Variants in TELO2 observed in about 807,000 individuals in gnomAD.
TELO2 encodes the protein telomere maintenance 2.
In TELO2, 71 loss-of-function variants were observed where a neutral mutation model predicts 91.0. That is an observed-to-expected ratio of 0.78 (90% CI 0.64 to 0.95). The LOEUF (loss-of-function observed/expected upper bound fraction) is 0.95. TELO2 is among the 40% of genes least tolerant of loss of function. The pLI is 0.00. For synonymous variants in TELO2, 584 were observed against 518.9 expected (o/e 1.13, Z -1.71); for missense variants, 1,183 against 1,141.3 (o/e 1.04, Z -0.53).
Position 1,500,168 on chromosome 16 carries a change from C to T in TELO2, c.1002+4C>T, listed in dbSNP as rs111969406. 8 of 1,601,268 alleles carry T rather than the reference C, an allele frequency of 5.0e-6. No homozygotes were observed. Among genetic ancestry groups the T allele is most frequent in the East Asian group, 2.2e-5 (1 of 44,616 alleles). Reference sequence around the variant, plus strand: ...GCGGCGCCCGCTCCTGCTGCAGGTACGTGCCTCCTGGCTCTCCGTCCCTGC... The same window carrying T: ...GCGGCGCCCGCTCCTGCTGCAGGTATGTGCCTCCTGGCTCTCCGTCCCTGC... On this transcript the variant is annotated splice_donor_region_variant and intron_variant, in intron 7 of 20. Coordinates refer to ENST00000262319, the MANE Select transcript of TELO2 (RefSeq NM_016111.4).
chr16:1,500,482 C>T lies in TELO2; in HGVS notation c.1138C>T (p.Arg380Trp), dbSNP rs762968076. ...CGGGGAGCCGGAACTGCGGGACAGC[C>T]GGGATGGTGAGCGGGTGGTTTGGGC... ...QLGEPELRDS[R>W]DELLASMMAG... Residue 380 changes from arginine to tryptophan, a missense_variant, in exon 8 of 21, where the codon CGG becomes TGG. By Grantham distance (101) the Arg-to-Trp change is moderately radical. Transcript: ENST00000262319. The T allele has an allele frequency of 4.3e-6, 7 of 1,610,612 alleles. No homozygotes were observed. Among genetic ancestry groups the T allele is most frequent in the South Asian group, 2.2e-5 (2 of 90,752 alleles).
At chr16:1,502,813 T>G (rs773087708) in intron 14 of TELO2, 52 bp downstream of exon 14, 1 of 1,603,720 alleles carries the variant, frequency 6.2e-7, no homozygotes, top group Non-Finnish European at 8.5e-7. Context: ...CGGGAAGCAC[T>G]GGGAGCTGCG....
rs752862580 is a variant in TELO2 at position 1,494,784 on chromosome 16, C to T, written c.335+168C>T. Among the ~76,000 whole-genome samples the T allele has an allele frequency of 6.6e-6, 1 of 152,170 alleles. No homozygotes were observed. The highest frequency in any genetic ancestry group is 2.4e-5 in the African/African-American group (1 of 41,430). ...AAGCGGTCTGTGTCTGTCTCCTTTG[C>T]GACGGGAGGCACCTGCTGTGTCTCA... On this transcript the variant is annotated intron_variant, in intron 2 of 20. Coordinates refer to ENST00000262319, the MANE Select transcript of TELO2 (RefSeq NM_016111.4). This position sits in a 1 kb window ranked among gnomAD's most constrained non-coding sequence, Gnocchi z 5.6.
Position 1,505,466 on chromosome 16 carries a change from C to T in TELO2, c.1899C>T (p.Pro633=), listed in dbSNP as rs1293180797. The change falls in exon 16 of 21, where the codon CCC becomes CCT. Residue 633 remains proline (P), a synonymous_variant. Transcript: ENST00000262319. The surrounding 1 kb of genome is among the most constrained non-coding windows in gnomAD (Gnocchi z 4.3). ...GGCCTGGGTGCCTCGGGAGGACTCC[C>T]CAACCTGGCTCCCCAAGTCCCAACA... The part of the protein sequence containing the change: ...LSRPGCLGRT[P]QPGSPSPNTP... The T allele has an allele frequency of 1.9e-6, 3 of 1,613,158 alleles. No homozygotes were observed. The highest frequency in any genetic ancestry group is 4.5e-5 in the East Asian group (2 of 44,878).
intron 18 of TELO2, 28 bp from the exon 19 acceptor site, chr16:1,507,278 C>T: frequency 1.2e-6 from 2 of 1,604,582 alleles, no homozygotes; most frequent in Non-Finnish European, 8.5e-7. Flanking sequence ...GTCGGGACCC[C>T]ACTGACTGTC....
rs1354333763 is a variant in TELO2, at chr16:1,500,681, G to T, written c.1263G>T (p.Gly421=). 1.2e-6 allele frequency: 2 copies of T among 1,612,328 alleles called. No individual in the cohort carries two copies. The highest frequency in any genetic ancestry group is 2.7e-5 in the African/African-American group (2 of 74,920). Residue 421 remains glycine, a synonymous_variant, in exon 9 of 21, where the codon GGG becomes GGT. Transcript: ENST00000262319. ...EVVSARIHPE[G]PPLKFQYEED... is the part of the protein sequence containing the mutation. ...TTAGTGCCCGGATCCACCCCGAGGG[G>T]CCTCCCCTGAAATTCCAGGTGAGCG...
chr16:1,506,759 AC>A, intron 17 of TELO2, 192 bp from the exon 18 acceptor site: 1 of 1,403,928 alleles, frequency 7.1e-7, no homozygotes, highest in Non-Finnish European at 9.3e-7. Context: ...GCCCAGGTGG[AC>A]TTGTGCCAGA....
At chr16:1,503,562 ACT>A (rs1234038746) in intron 15 of TELO2, among the ~76,000 whole-genome samples, 2 of 151,944 alleles carry the variant, frequency 1.3e-5, no homozygotes, top group Admixed American at 1.3e-4. Context: ...AGATAATTCG[ACT>A]CTGATACGCA....
intron 15 of TELO2, among the ~76,000 whole-genome samples, chr16:1,503,474 C>T (rs1007046198): frequency 2.6e-5 from 4 of 152,072 alleles, no homozygotes; most frequent in Non-Finnish European, 5.9e-5. Flanking sequence ...TCCCTCGAAC[C>T]CAGGAGGTGG....
At chr16:1,507,170 C>G in intron 18 of TELO2, 119 bp downstream of exon 18, 1 of 1,479,652 alleles carries the variant, frequency 6.8e-7, no homozygotes. Flanking sequence ...TGTGGGCCCC[C>G]GGGCAGCGGG....
rs765505386 is a variant in TELO2, at chr16:1,494,398, C to G, written c.117C>G (p.Leu39=). 165 of 1,613,398 alleles carry G rather than the reference C, an allele frequency of 1.0e-4. No individual in the cohort carries two copies. The highest frequency in any genetic ancestry group is 1.3e-4 in the Non-Finnish European group (157 of 1,180,010). Residue 39 remains leucine (L), a synonymous_variant, in exon 2 of 21, where the codon CTC becomes CTG. Coordinates refer to ENST00000262319, the MANE Select transcript of TELO2 (RefSeq NM_016111.4). This position sits in a 1 kb window ranked among gnomAD's most constrained non-coding sequence, Gnocchi z 5.6. ...FCTLESLKRY[L]GEMEPPALPR... ...CCCTGGAGTCCCTGAAGCGGTATCT[C>G]GGTGAGATGGAGCCTCCAGCGCTCC...
rs148894015 is a variant in TELO2, at chr16:1,495,518, C to T, written c.508C>T (p.Arg170Cys). ...GGCCCTGCCCGATCACCTGGGCAAC[C>T]GCCTGCAGCAGGAGAACTTGGCCGA... ...VVALPDHLGNRLQQENLAEFF... is the reference protein window; with the variant it reads ...VVALPDHLGNCLQQENLAEFF... Residue 170 changes from arginine (R) to cysteine (C), a missense_variant, in exon 3 of 21, where the codon CGC becomes TGC. Arg to Cys is a radical substitution (Grantham distance 180). Transcript: ENST00000262319. 351 of 1,611,128 alleles carry T rather than the reference C, an allele frequency of 2.2e-4. 1 individual carries two copies. The highest frequency in any genetic ancestry group is 2.7e-4 in the Non-Finnish European group (321 of 1,179,936).
intron 6 of TELO2, 100 bp from the exon 7 acceptor site, chr16:1,499,996 C>T (rs1306626050): frequency 7.3e-7 from 1 of 1,362,688 alleles, no homozygotes; most frequent in Non-Finnish European, 9.9e-7. Flanking sequence ...CTGCTGCCCT[C>T]AGTCTGGTCC....
Position 1,505,293 on chromosome 16 carries a change from C to T in TELO2, c.1843-117C>T, listed in dbSNP as rs113979147. On this transcript the variant is annotated intron_variant, in intron 15 of 20. Coordinates refer to ENST00000262319, the MANE Select transcript of TELO2 (RefSeq NM_016111.4). This position sits in a 1 kb window ranked among gnomAD's most constrained non-coding sequence, Gnocchi z 4.3. ...CTTTTCTCCTTGTTCCCAGAACACACCTTCTCCCAGGCTGGGCGGGCCCCC... is the reference window on the plus strand; with the variant it reads ...CTTTTCTCCTTGTTCCCAGAACACATCTTCTCCCAGGCTGGGCGGGCCCCC... The T allele has an allele frequency of 1.1e-3, 1,305 of 1,234,830 alleles. 15 individuals carry two copies. The African/African-American group carries it at 0.017, about 16-fold the overall frequency. 76.5% of individuals were successfully genotyped at this position (1,234,830 alleles called of 1,614,324 possible). A position where few individuals can be genotyped will look rare whatever the true frequency, so the allele number is the denominator to read the frequency against.
In TELO2 at chr16:1,506,246, G is replaced by A. The variant is rs368407785; in HGVS notation, c.2043G>A (p.Pro681=). 15 of 1,613,550 alleles carry A rather than the reference G, an allele frequency of 9.3e-6. 1 individual carries two copies. The highest frequency in any genetic ancestry group is 6.6e-5 in the South Asian group (6 of 91,084). The change falls in exon 17 of 21, where the codon CCG becomes CCA. Residue 681 remains proline (P), a synonymous_variant. Transcript: ENST00000262319. Reference sequence around the variant, plus strand: ...GTAGTTGTGTCTGGCAGGGTGGCCCGAGGCAGGGCCCGGCAGGCAGCCCCA... The same window carrying A: ...GTAGTTGTGTCTGGCAGGGTGGCCCAAGGCAGGGCCCGGCAGGCAGCCCCA... ...SKTQRLSKGG[P]RQGPAGSPSR...
chr16:1,504,485 T>C (rs1388445519), intron 15 of TELO2, among the ~76,000 whole-genome samples: 2 of 147,908 alleles, frequency 1.4e-5, no homozygotes, highest in Non-Finnish European at 3.0e-5. Flanking sequence ...TGGTAAATCT[T>C]GTATATATTT....
At chr16:1,507,895 ATG>A (rs1226411872) in intron 20 of TELO2, among the ~76,000 whole-genome samples, 179 bp downstream of exon 20, 4 of 89,128 alleles carry the variant, frequency 4.5e-5, no homozygotes, top group Non-Finnish European at 9.4e-5. Context: ...TGTGTGTGTG[ATG>A]TGTGTCGGCC....
chr16:1,504,615 T>G (rs2039821940), intron 15 of TELO2, among the ~76,000 whole-genome samples: 1 of 127,468 alleles, frequency 7.8e-6, no homozygotes, highest in Admixed American at 8.6e-5. Context: ...TGGAGTGCAG[T>G]GGCGCGATCT....
chr16:1,496,660 G>T (rs990102191), intron 3 of TELO2, among the ~76,000 whole-genome samples: 15 of 152,198 alleles, frequency 9.9e-5, no homozygotes, highest in Non-Finnish European at 1.5e-4. Flanking sequence ...GGCGGCCGTG[G>T]TGGTGGTGCT....
Sources: allele counts gnomAD v4.1 joint callset (sites outside exome capture counted in the v4.1 genomes callset), GRCh38; gene constraint gnomAD v4.1.1; non-coding constraint Gnocchi (gnomAD v3.1); transcripts MANE v1.5; gene names NCBI Gene and HGNC (gene_info 2026-07-23, HGNC 2026-07-21).